Variants in ERC2 observed in about 807,000 individuals in gnomAD.
The protein encoded by ERC2 is ELKS/RAB6-interacting/CAST family member 2, also known as ERC protein 2.
ERC2 carries 42 observed loss-of-function variants against 114.8 expected under a neutral mutation model. The ratio of observed to expected loss-of-function variants is 0.37; its 90% confidence interval spans 0.29 to 0.47. The LOEUF (loss-of-function observed/expected upper bound fraction) is 0.47, where lower values mean the gene tolerates loss of function less well. Among genes scored for constraint, ERC2 ranks in the 20% least tolerant of loss-of-function variants. The pLI, the probability that ERC2 is intolerant of heterozygous loss-of-function variation, is 0.99. For synonymous variants in ERC2, 454 were observed against 425.5 expected (o/e 1.07, Z -0.82); for missense variants, 939 against 1,150.7 (o/e 0.82, Z 2.66).
rs191506505 is a variant in ERC2, at chr3:55,644,850, C to T, written c.*39+38944G>A. 2.8e-3 allele frequency among the ~76,000 whole-genome samples: 422 copies of T among 151,998 alleles called. 1 individual carries two copies. Among genetic ancestry groups the T allele is most frequent in the African/African-American group, 9.7e-3 (402 of 41,456 alleles). On this transcript the variant is annotated intron_variant, in intron 17 of 17. Transcript: ENST00000288221. Reference sequence around the variant, plus strand: ...GAGTCCTCTGTTATCATCATGTTTTCCATCCAAGGAGCCCATGACCTTGAA... The same window carrying T: ...GAGTCCTCTGTTATCATCATGTTTTTCATCCAAGGAGCCCATGACCTTGAA...
chr3:56,068,750 G>A (rs2149723810), intron 7 of ERC2, among the ~76,000 whole-genome samples: 1 of 152,208 alleles, frequency 6.6e-6, no homozygotes, highest in East Asian at 1.9e-4. Context: ...TTATCTCTTT[G>A]CTCTCATTGG....
At chr3:55,684,419 C>T (rs1006226324) in intron 16 of ERC2, among the ~76,000 whole-genome samples, 1 of 152,140 alleles carries the variant, frequency 6.6e-6, no homozygotes, top group Admixed American at 6.6e-5. Flanking sequence ...CTCAAACATG[C>T]TGCGATCTTC....
chr3:55,924,217 T>C (rs181290067), intron 13 of ERC2, among the ~76,000 whole-genome samples: 1 of 152,280 alleles, frequency 6.6e-6, no homozygotes, highest in Admixed American at 6.5e-5. Flanking sequence ...GTCCTCACTG[T>C]CTTCTAGAGC....
At chr3:56,414,805 C>A (rs1312712044) in intron 2 of ERC2, among the ~76,000 whole-genome samples, 2 of 152,100 alleles carry the variant, frequency 1.3e-5, no homozygotes, top group Non-Finnish European at 2.9e-5. Flanking sequence ...TCTCTCCCCC[C>A]AGGTACAGAG....
At chr3:55,913,787 TCA>T (rs2064945034) in intron 13 of ERC2, among the ~76,000 whole-genome samples, 1 of 152,130 alleles carries the variant, frequency 6.6e-6, no homozygotes, top group African/African-American at 2.4e-5. Flanking sequence ...TCCAGACTTT[TCA>T]CACACAGTCA....
At chr3:55,597,796 C>G (rs2058218475) in intron 17 of ERC2, among the ~76,000 whole-genome samples, 1 of 152,240 alleles carries the variant, frequency 6.6e-6, no homozygotes, top group East Asian at 1.9e-4. Context: ...CTACAGTGAC[C>G]CTAGCCCTTC....
chr3:55,588,482 G>A (rs953849821), intron 17 of ERC2, among the ~76,000 whole-genome samples: 7 of 152,158 alleles, frequency 4.6e-5, no homozygotes, highest in Admixed American at 6.5e-5. Flanking sequence ...AAAGACACAC[G>A]AACCTTAGAA....
chr3:56,256,757 G>A (rs2052543280), intron 3 of ERC2, among the ~76,000 whole-genome samples: 1 of 152,140 alleles, frequency 6.6e-6, no homozygotes, highest in Non-Finnish European at 1.5e-5. Flanking sequence ...TAGTGAATGA[G>A]TTCTCATGAG....
rs962276554 is a variant in ERC2 at position 56,339,745 on chromosome 3, G to A, written c.658-43310C>T. Among the ~76,000 whole-genome samples, 17 of 151,736 alleles carry A rather than the reference G, an allele frequency of 1.1e-4. 1 individual carries two copies. Among genetic ancestry groups the A allele is most frequent in the East Asian group, 1.9e-4 (1 of 5,178 alleles). On this transcript the variant is annotated intron_variant, in intron 2 of 17. Transcript: ENST00000288221. Reference sequence around the variant, plus strand: ...AATCTCTGAAACTCCCTTCTGCCCCGCAACTTTCATTTCCTGAATTTCCCA... The same window carrying A: ...AATCTCTGAAACTCCCTTCTGCCCCACAACTTTCATTTCCTGAATTTCCCA...
chr3:55,811,610 T>C (rs1331346600), intron 14 of ERC2, among the ~76,000 whole-genome samples: 2 of 152,222 alleles, frequency 1.3e-5, no homozygotes, highest in East Asian at 1.9e-4. Flanking sequence ...CCTTTGCCTA[T>C]GTGGTTCCCA....
At chr3:55,769,195 T>G (rs1253718625) in intron 14 of ERC2, among the ~76,000 whole-genome samples, 2 of 152,208 alleles carry the variant, frequency 1.3e-5, no homozygotes, top group Non-Finnish European at 2.9e-5. Flanking sequence ...TTCATTTACC[T>G]AAGACTTGCC....
At chr3:56,457,620 G>T (rs564107927) in intron 1 of ERC2, among the ~76,000 whole-genome samples, 2 of 152,022 alleles carry the variant, frequency 1.3e-5, no homozygotes, top group African/African-American at 4.8e-5. Flanking sequence ...CTCCTCAATG[G>T]CTCACAGGGT....
chr3:55,546,005 C>T (rs974169167), intron 17 of ERC2, among the ~76,000 whole-genome samples: 8 of 152,100 alleles, frequency 5.3e-5, no homozygotes, highest in Admixed American at 4.6e-4. Context: ...AATACATGGA[C>T]GGAAAGGAGA....
chr3:56,467,847 C>A (rs1426494007), intron 1 of ERC2, among the ~76,000 whole-genome samples: 2 of 151,716 alleles, frequency 1.3e-5, no homozygotes, highest in Non-Finnish European at 2.9e-5. Context: ...CCCCCGACCC[C>A]GCGAACACCC....
At chr3:56,054,656 G>A (rs1204313047) in intron 7 of ERC2, among the ~76,000 whole-genome samples, 4 of 152,042 alleles carry the variant, frequency 2.6e-5, no homozygotes, top group South Asian at 2.1e-4. Context: ...AGCAAACTGC[G>A]GCTTCAAGGG....
intron 17 of ERC2, among the ~76,000 whole-genome samples, chr3:55,652,654 A>G (rs1372910694): frequency 4.6e-5 from 7 of 152,114 alleles, no homozygotes; most frequent in Non-Finnish European, 7.4e-5. Context: ...CAGGTGGATC[A>G]TAAGGTCATG....
chr3:56,057,901 T>C (rs1031415969), intron 7 of ERC2, among the ~76,000 whole-genome samples: 4 of 152,186 alleles, frequency 2.6e-5, no homozygotes, highest in African/African-American at 9.7e-5. Context: ...AGAAATATAA[T>C]GATCTACCTC....
chr3:55,925,377 C>T (rs143929970), intron 13 of ERC2, among the ~76,000 whole-genome samples: 6 of 152,202 alleles, frequency 3.9e-5, no homozygotes, highest in African/African-American at 4.8e-5. Context: ...GAAGCCACTG[C>T]ATAATCTAAG....
intron 14 of ERC2, among the ~76,000 whole-genome samples, chr3:55,738,438 G>A (rs915024272): frequency 3.3e-5 from 5 of 151,892 alleles, no homozygotes; most frequent in Non-Finnish European, 5.9e-5. Context: ...TTAAGCTTTC[G>A]GTCATCAAGT....
Sources: gnomAD v4.1 joint callset for allele counts (sites outside exome capture counted in the v4.1 genomes callset) on GRCh38, gnomAD v4.1.1 for gene constraint, MANE v1.5 for transcripts, NCBI Gene and HGNC (gene_info 2026-07-23, HGNC 2026-07-21) for gene names.